Variants in CACNA1C observed in about 807,000 individuals in gnomAD.
The protein encoded by CACNA1C is voltage-dependent L-type calcium channel subunit alpha-1C.
A neutral mutation model predicts 229.0 loss-of-function variants in CACNA1C; 30 were observed. That is an observed-to-expected ratio of 0.13 (90% CI 0.10 to 0.18). The LOEUF is 0.18. CACNA1C is among the 10% of genes least tolerant of loss of function. CACNA1C has a pLI of 1.00. For missense variants in CACNA1C, 1,658 were observed against 2,845.0 expected, an observed-to-expected ratio of 0.58 and a Z score of 9.49; for synonymous variants, 1,114 against 1,132.5, an observed-to-expected ratio of 0.98 and a Z score of 0.33.
intron 3 of CACNA1C, among the ~76,000 whole-genome samples, chr12:2,254,912 C>A (rs1409408626): frequency 6.6e-6 from 1 of 152,208 alleles, no homozygotes; most frequent in Non-Finnish European, 1.5e-5. Context: ...GAAAGAGATT[C>A]ATCCCGAAGG....
intron 13 of CACNA1C, among the ~76,000 whole-genome samples, chr12:2,581,265 A>AT (rs1428416071): frequency 2.6e-5 from 4 of 152,124 alleles, no homozygotes; most frequent in African/African-American, 7.2e-5. Flanking sequence ...AACAATCTCC[A>AT]TTTTTTTGAT....
intron 3 of CACNA1C, among the ~76,000 whole-genome samples, chr12:2,431,038 C>T (rs1017849493): frequency 1.3e-5 from 2 of 152,192 alleles, no homozygotes; most frequent in African/African-American, 2.4e-5. Context: ...CCTTCATTGA[C>T]GGGTGGCCAT....
chr12:2,476,479 C>T (rs1567912753), intron 5 of CACNA1C, among the ~76,000 whole-genome samples: 1 of 152,170 alleles, frequency 6.6e-6, no homozygotes, highest in Non-Finnish European at 1.5e-5. Flanking sequence ...GTATGTAAAG[C>T]ACTTATGTGG....
intron 5 of CACNA1C, among the ~76,000 whole-genome samples, chr12:2,483,310 G>A (rs969437121): frequency 6.6e-6 from 1 of 152,238 alleles, no homozygotes; most frequent in East Asian, 1.9e-4. Flanking sequence ...GTGACTTTCA[G>A]CTACAAAGTG....
intron 3 of CACNA1C, among the ~76,000 whole-genome samples, chr12:2,126,152 T>C (rs537973403): frequency 5.0e-4 from 76 of 152,332 alleles, no homozygotes; most frequent in Non-Finnish European, 5.9e-4. Context: ...TCTCTCATTA[T>C]TTAAATAAAA....
chr12:2,589,247 A>C (rs1200929700), intron 18 of CACNA1C, among the ~76,000 whole-genome samples: 1 of 152,244 alleles, frequency 6.6e-6, no homozygotes, highest in Non-Finnish European at 1.5e-5. Flanking sequence ...GACAGGCAGC[A>C]GACAAACCAA....
In CACNA1C at chr12:2,679,759, C is replaced by A. The variant is rs113157354; in HGVS notation, c.5407C>A (p.Arg1803=). Residue 1803 remains arginine, a synonymous_variant, in exon 42 of 47, where the codon CGG becomes AGG. Transcript: ENST00000399655. This position sits in a 1 kb window ranked among gnomAD's most constrained non-coding sequence, Gnocchi z 5.5. ...CGGGCCCCCCTTGTCCCCTGCCATCCGGGTGCAGGAGGTGGCGTGGAAGCT... is the reference window on the plus strand; with the variant it reads ...CGGGCCCCCCTTGTCCCCTGCCATCAGGGTGCAGGAGGTGGCGTGGAAGCT... The part of the protein sequence containing the change: ...GHGPPLSPAI[R]VQEVAWKLSS... 4.4e-6 allele frequency: 7 copies of A among 1,590,874 alleles called. No individual in the cohort carries two copies. Among genetic ancestry groups the A allele is most frequent in the Non-Finnish European group, 6.0e-6 (7 of 1,167,910 alleles).
At chr12:2,377,250 C>T (rs1169696821) in intron 3 of CACNA1C, among the ~76,000 whole-genome samples, 1 of 152,176 alleles carries the variant, frequency 6.6e-6, no homozygotes, top group Non-Finnish European at 1.5e-5. Flanking sequence ...TCAATGCCCT[C>T]CTCTCCCGGC....
At chr12:2,301,711 A>C (rs1848752996) in intron 3 of CACNA1C, among the ~76,000 whole-genome samples, 1 of 152,128 alleles carries the variant, frequency 6.6e-6, no homozygotes, top group Non-Finnish European at 1.5e-5. Context: ...TTTGGAAAAA[A>C]CTGGAGTGAT....
chr12:2,121,063 A>G (rs918901965), intron 3 of CACNA1C, among the ~76,000 whole-genome samples: 2 of 152,210 alleles, frequency 1.3e-5, no homozygotes, highest in African/African-American at 2.4e-5. Flanking sequence ...GTCATTACAA[A>G]GACTTTTGCT....
At chr12:2,213,696 T>C (rs563310291) in intron 3 of CACNA1C, among the ~76,000 whole-genome samples, 19 of 152,306 alleles carry the variant, frequency 1.2e-4, no homozygotes, top group African/African-American at 3.6e-4. Flanking sequence ...CTAGGCTTCC[T>C]TCCCCTCTGC....
At chr12:2,621,072 C>T (rs2082972199) in intron 29 of CACNA1C, among the ~76,000 whole-genome samples, 1 of 152,198 alleles carries the variant, frequency 6.6e-6, no homozygotes, top group Non-Finnish European at 1.5e-5. Flanking sequence ...AAATGCACCC[C>T]TCTGTAACTT....
At chr12:2,681,147 G>A (rs1378264402) in intron 42 of CACNA1C, among the ~76,000 whole-genome samples, 1 of 152,098 alleles carries the variant, frequency 6.6e-6, no homozygotes, top group East Asian at 1.9e-4. Context: ...AGCATCTCAG[G>A]GTGAACTAAT....
At chr12:2,564,759 C>T (rs560814789) in intron 11 of CACNA1C, among the ~76,000 whole-genome samples, 3 of 152,318 alleles carry the variant, frequency 2.0e-5, no homozygotes, top group Admixed American at 2.0e-4. Flanking sequence ...TTGCTGCCAG[C>T]TCTGTGTCAT....
chr12:2,117,421 C>T (rs1372052385), intron 2 of CACNA1C, among the ~76,000 whole-genome samples: 1 of 152,218 alleles, frequency 6.6e-6, no homozygotes, highest in Non-Finnish European at 1.5e-5. Flanking sequence ...AGGCTTTAGT[C>T]AGCCCCATAG....
At chr12:2,214,894 A>T (rs149534255) in intron 3 of CACNA1C, among the ~76,000 whole-genome samples, 3 of 151,966 alleles carry the variant, frequency 2.0e-5, no homozygotes, top group Non-Finnish European at 4.4e-5. Flanking sequence ...ATGTGCAGCC[A>T]TGTCTCATCC....
At chr12:2,339,897 A>G (rs1187519927) in intron 3 of CACNA1C, among the ~76,000 whole-genome samples, 1 of 152,096 alleles carries the variant, frequency 6.6e-6, no homozygotes, top group Non-Finnish European at 1.5e-5. Context: ...AAGGGATACT[A>G]CTCTCTTTTA....
chr12:2,002,008 C>CG (rs915135131), intron 1 of CACNA1C, among the ~76,000 whole-genome samples: 2 of 152,124 alleles, frequency 1.3e-5, no homozygotes, highest in African/African-American at 2.4e-5. Flanking sequence ...ATTTTGGAGG[C>CG]GGGGGGCAGT....
At chr12:2,464,693 A>C (rs1421452304) in intron 5 of CACNA1C, among the ~76,000 whole-genome samples, 2 of 152,224 alleles carry the variant, frequency 1.3e-5, no homozygotes, top group African/African-American at 4.8e-5. Context: ...CCCTTTTGTC[A>C]GTAAAATGTT....
Sources: allele counts gnomAD v4.1 joint callset (sites outside exome capture counted in the v4.1 genomes callset), GRCh38; gene constraint gnomAD v4.1.1; non-coding constraint Gnocchi (gnomAD v3.1); transcripts MANE v1.5; gene names NCBI Gene and HGNC (gene_info 2026-07-23, HGNC 2026-07-21).